EIPR1: variants seen among roughly 807,000 people sequenced by gnomAD.
The protein encoded by EIPR1 is EARP and GARP complex-interacting protein 1.
In EIPR1, 25 loss-of-function variants were observed where a neutral mutation model predicts 48.1. That is an observed-to-expected ratio of 0.52 (90% CI 0.38 to 0.73). EIPR1 has a LOEUF of 0.73. Ranked by LOEUF, EIPR1 falls within the 30% of genes least tolerant of loss-of-function variation. The pLI is 0.00. For missense variants in EIPR1, 415 were observed against 506.2 expected (o/e 0.82, Z 1.73); for synonymous variants, 204 against 201.9 (o/e 1.01, Z -0.09).
At chr2:3,233,697 T>C (rs1666312964) in intron 4 of EIPR1, among the ~76,000 whole-genome samples, 1 of 152,220 alleles carries the variant, frequency 6.6e-6, no homozygotes, top group Non-Finnish European at 1.5e-5. Flanking sequence ...TCTTCATTCA[T>C]TGCATCTATT....
At chr2:3,245,173 CTTTAT>C (rs1237830371) in intron 4 of EIPR1, among the ~76,000 whole-genome samples, 3 of 142,038 alleles carry the variant, frequency 2.1e-5, no homozygotes, top group African/African-American at 5.3e-5. Context: ...ATTTATTTTA[CTTTAT>C]TTTACTTTAC....
At chr2:3,232,571 G>A (rs1666275453) in intron 4 of EIPR1, among the ~76,000 whole-genome samples, 1 of 151,918 alleles carries the variant, frequency 6.6e-6, no homozygotes, top group South Asian at 2.1e-4. Flanking sequence ...AGTTATTTTA[G>A]GCTTTTTGGC....
At chr2:3,291,502 T>C (rs535318259) in intron 3 of EIPR1, among the ~76,000 whole-genome samples, 33 of 152,318 alleles carry the variant, frequency 2.2e-4, no homozygotes, top group Admixed American at 1.2e-3. Context: ...CATTATGATA[T>C]AGATCAAAAT....
intron 4 of EIPR1, among the ~76,000 whole-genome samples, chr2:3,222,578 T>C (rs551474132): frequency 1.3e-5 from 2 of 152,328 alleles, no homozygotes; most frequent in South Asian, 2.1e-4. Context: ...GAAATGCTTC[T>C]TGGGTTCTGA....
At chr2:3,242,974 C>G (rs1666684300) in intron 4 of EIPR1, among the ~76,000 whole-genome samples, 1 of 152,172 alleles carries the variant, frequency 6.6e-6, no homozygotes, top group Non-Finnish European at 1.5e-5. Context: ...TGCAGATGTA[C>G]AAGTTCTTTA....
intron 3 of EIPR1, among the ~76,000 whole-genome samples, chr2:3,310,453 A>G (rs1270012868): frequency 3.5e-5 from 5 of 143,302 alleles, no homozygotes; most frequent in Non-Finnish European, 7.5e-5. Flanking sequence ...GGAGACTGAG[A>G]CCATCCTGGC....
At chr2:3,230,751 A>T (rs940126649) in intron 4 of EIPR1, among the ~76,000 whole-genome samples, 1 of 152,208 alleles carries the variant, frequency 6.6e-6, no homozygotes, top group Non-Finnish European at 1.5e-5. Flanking sequence ...TTTCTATTAC[A>T]GTAGTCTTAT....
chr2:3,199,206 C>T (rs1470904286), intron 5 of EIPR1, among the ~76,000 whole-genome samples: 1 of 152,018 alleles, frequency 6.6e-6, no homozygotes, highest in African/African-American at 2.4e-5. Context: ...TCCCAGGCAG[C>T]CAGACTTTAC....
At position 3,189,226 on chromosome 2, in the gene EIPR1, G is replaced by A; in HGVS notation, c.*108C>T. On this transcript the variant is annotated 3_prime_UTR_variant, in exon 9 of 9. Coordinates refer to ENST00000382125, the MANE Select transcript of EIPR1 (RefSeq NM_003310.5). This position sits in a 1 kb window ranked among gnomAD's most constrained non-coding sequence, Gnocchi z 4.6. ...CAGGAAGGGAACAGCGGCTCTCCCA[G>A]AGAGGGATCCACCTGGAACACGAGT... is the stretch of plus-strand genomic sequence containing the variant. The A allele has an allele frequency of 8.2e-7, 1 of 1,222,554 alleles. No homozygotes were observed. Among genetic ancestry groups the A allele is most frequent in the East Asian group, 2.7e-5 (1 of 37,132 alleles). 75.7% of individuals were successfully genotyped at this position (1,222,554 alleles called of 1,614,324 possible).
At chr2:3,327,123 G>T (rs923335918) in intron 3 of EIPR1, among the ~76,000 whole-genome samples, 1 of 152,222 alleles carries the variant, frequency 6.6e-6, no homozygotes, top group African/African-American at 2.4e-5. Flanking sequence ...GTGGGACCCC[G>T]GGGAGCTAGG....
intron 4 of EIPR1, among the ~76,000 whole-genome samples, chr2:3,246,870 AG>A (rs1666825240): frequency 1.2e-4 from 5 of 42,628 alleles, no homozygotes; most frequent in African/African-American, 2.9e-4. Context: ...GGAGGGAAGG[AG>A]GGAGGGAGGG....
At chr2:3,349,373 A>T (rs2103367672) in intron 2 of EIPR1, among the ~76,000 whole-genome samples, 1 of 152,360 alleles carries the variant, frequency 6.6e-6, no homozygotes, top group East Asian at 1.9e-4. Flanking sequence ...GCCTCAGCCA[A>T]CTGTGAGCCC....
At chr2:3,192,870 G>GAAA (rs5828967) in intron 7 of EIPR1, among the ~76,000 whole-genome samples, 1 of 145,056 alleles carries the variant, frequency 6.9e-6, no homozygotes. Context: ...TCTAAAATTC[G>GAAA]AAAAAAAAAA....
chr2:3,290,512 C>A (rs1014179344), intron 3 of EIPR1, among the ~76,000 whole-genome samples: 3 of 152,184 alleles, frequency 2.0e-5, no homozygotes, highest in African/African-American at 7.2e-5. Flanking sequence ...TGGCAGCAAT[C>A]AGCTGTAGCT....
chr2:3,270,885 G>A (rs548300622), intron 3 of EIPR1, among the ~76,000 whole-genome samples: 1 of 152,330 alleles, frequency 6.6e-6, no homozygotes, highest in East Asian at 1.9e-4. Flanking sequence ...GATTTCTCTA[G>A]CATGTGATGC....
rs376201566 is a variant in EIPR1, at chr2:3,224,336, A to G, written c.417-10088T>C. On this transcript the variant is annotated intron_variant, in intron 4 of 8. Coordinates refer to ENST00000382125, the MANE Select transcript of EIPR1 (RefSeq NM_003310.5). The stretch of plus-strand genomic sequence containing the variant: ...CCTGCCGTAAGAGCAACCGGCACTT[A>G]CGCAGCTCCTACCATGCGCCCGGCT... Among the ~76,000 whole-genome samples the G allele has an allele frequency of 3.2e-3, 486 of 152,334 alleles. 6 individuals carry two copies. Among genetic ancestry groups the G allele is most frequent in the African/African-American group, 0.011 (469 of 41,576 alleles).
intron 3 of EIPR1, among the ~76,000 whole-genome samples, chr2:3,325,152 G>A (rs7607221): frequency 0.28 from 42,002 of 152,076 alleles, 7,800 homozygotes; most frequent in East Asian, 0.64. Context: ...GAAAGTTGAC[G>A]AGAAGGCCAA....
At chr2:3,365,802 G>C (rs1443489552) in intron 1 of EIPR1, among the ~76,000 whole-genome samples, 3 of 151,274 alleles carry the variant, frequency 2.0e-5, no homozygotes, top group Admixed American at 1.3e-4. Flanking sequence ...CAGGGTTGGG[G>C]GTAAGGTCAC....
At position 3,196,957 on chromosome 2, in the gene EIPR1, T is replaced by C; in HGVS notation, c.577A>G (p.Ser193Gly). 1 of 1,613,920 alleles carries C rather than the reference T, an allele frequency of 6.2e-7. No homozygotes were observed. Among genetic ancestry groups the C allele is most frequent in the Non-Finnish European group, 8.5e-7 (1 of 1,180,042 alleles). The change falls in exon 6 of 9, where the codon AGC becomes GGC. Residue 193 changes from serine (S) to glycine (G), a missense_variant. Transcript: ENST00000382125. ...ACCTGGGTGCAGTTATGATGTGGGCTCCACCGTCCTGAGGTGAACTTCAGT... is the reference window on the plus strand; with the variant it reads ...ACCTGGGTGCAGTTATGATGTGGGCCCCACCGTCCTGAGGTGAACTTCAGT... ...GQLKFTSGRW[S>G]PHHNCTQVAT...
Sources: allele counts gnomAD v4.1 joint callset (sites outside exome capture counted in the v4.1 genomes callset), GRCh38; gene constraint gnomAD v4.1.1; non-coding constraint Gnocchi (gnomAD v3.1); transcripts MANE v1.5; gene names NCBI Gene and HGNC (gene_info 2026-07-23, HGNC 2026-07-21).